Variants in TUT1 observed in about 807,000 individuals in gnomAD.
TUT1 encodes the protein speckle targeted PIP5K1A-regulated poly(A) polymerase.
TUT1 carries 26 observed loss-of-function variants against 48.8 expected under a neutral mutation model. The observed-to-expected ratio is 0.53, with a 90% CI of 0.39 to 0.74. The LOEUF (loss-of-function observed/expected upper bound fraction) is 0.74. Among genes scored for constraint, TUT1 ranks in the 30% least tolerant of loss-of-function variants. TUT1 has a pLI of 0.00. For missense variants in TUT1, 1,065 were observed against 1,114.8 expected (o/e 0.96, Z 0.64); for synonymous variants, 470 against 460.8 (o/e 1.02, Z -0.26).
At chr11:62,577,647 G>T (rs951542823) in intron 5 of TUT1, among the ~76,000 whole-genome samples, 2 of 151,552 alleles carry the variant, frequency 1.3e-5, no homozygotes, top group African/African-American at 4.8e-5. Context: ...GACAGGAAAA[G>T]AGAGAGGAAG....
chr11:62,583,200 C>A (rs184628557), intron 2 of TUT1, among the ~76,000 whole-genome samples: 61 of 151,900 alleles, frequency 4.0e-4, no homozygotes, highest in Middle Eastern at 6.8e-3. Context: ...ACTCATAAAC[C>A]CTGTCTTCAA....
chr11:62,588,909 G>A, intron 2 of TUT1, 122 bp downstream of exon 2: 1 of 860,628 alleles, frequency 1.2e-6, no homozygotes, highest in South Asian at 1.8e-5. Context: ...GGCCAGGCTG[G>A]TCTCAAACTC....
Position 62,590,976 on chromosome 11 carries a change from G to A in TUT1, c.82+428C>T, listed in dbSNP as rs113008229. Among the ~76,000 whole-genome samples, 8 of 151,906 alleles carry A rather than the reference G, an allele frequency of 5.3e-5. 1 individual carries two copies. Among genetic ancestry groups the A allele is most frequent in the African/African-American group, 1.7e-4 (7 of 41,414 alleles). On this transcript the variant is annotated intron_variant, in intron 1 of 8. Coordinates refer to ENST00000476907, the MANE Select transcript of TUT1 (RefSeq NM_022830.3). ...TTCATCCATCCCCTCCTTTGAGTAG[G>A]TCCTCTGTAGGGCTTCTCTGATTTA... is the stretch of plus-strand genomic sequence containing the variant.
At chr11:62,584,440 CTTTT>C (rs35237248) in intron 2 of TUT1, among the ~76,000 whole-genome samples, 1 of 130,086 alleles carries the variant, frequency 7.7e-6, no homozygotes. Flanking sequence ...AAATTGTATA[CTTTT>C]TTTTTTTTTT....
chr11:62,585,266 G>A (rs1331457952), intron 2 of TUT1, among the ~76,000 whole-genome samples: 1 of 152,098 alleles, frequency 6.6e-6, no homozygotes, highest in Non-Finnish European at 1.5e-5. Context: ...GATGATAGGG[G>A]CACATCACCA....
chr11:62,580,105 T>A (rs1194407683), intron 4 of TUT1, among the ~76,000 whole-genome samples: 1 of 152,088 alleles, frequency 6.6e-6, no homozygotes, highest in Non-Finnish European at 1.5e-5. Context: ...TGAGACCCTA[T>A]TTCTAAGTAA....
chr11:62,580,596 CAA>C (rs1196058099), intron 4 of TUT1, among the ~76,000 whole-genome samples: 1 of 143,610 alleles, frequency 7.0e-6, no homozygotes, highest in Admixed American at 6.9e-5. Context: ...GTATCCATGT[CAA>C]TTCTTTTTTT....
chr11:62,586,728 G>A (rs920087328), intron 2 of TUT1, among the ~76,000 whole-genome samples: 1 of 151,792 alleles, frequency 6.6e-6, no homozygotes, highest in East Asian at 2.0e-4. Flanking sequence ...CCAGCCTGGC[G>A]AACATGGTGA....
At chr11:62,586,782 G>A (rs1387835069) in intron 2 of TUT1, among the ~76,000 whole-genome samples, 1 of 151,758 alleles carries the variant, frequency 6.6e-6, no homozygotes, top group Non-Finnish European at 1.5e-5. Context: ...CGGGTGTGGT[G>A]GCACGCGCCT....
In TUT1 at chr11:62,575,977, C is replaced by T. The variant is rs1403253459; in HGVS notation, c.1742G>A (p.Arg581His). 15 of 1,614,052 alleles carry T rather than the reference C, an allele frequency of 9.3e-6. No individual in the cohort carries two copies. Among genetic ancestry groups the T allele is most frequent in the Admixed American group, 1.7e-5 (1 of 60,026 alleles). ...ANYCRSLQYQ[R>H]RSSRGRDWGL... ...CCAGTCCCGACCCCGGGAGGAACGG[C>T]GCTGGTACTGGAGGCTTCGGCAGTA... The change falls in exon 9 of 9, where the codon CGC becomes CAC. Residue 581 changes from arginine to histidine, a missense_variant. Physicochemically the swap from Arg to His is conservative, Grantham distance 29 (BLOSUM62 0). Transcript: ENST00000476907.
In TUT1 at chr11:62,591,280, G is replaced by C. The variant is rs1293146739; in HGVS notation, c.82+124C>G. 4 of 1,397,336 alleles carry C rather than the reference G, an allele frequency of 2.9e-6. No homozygotes were observed. The Admixed American group carries it at 1.2e-4, about 43-fold the overall frequency. 86.6% of individuals were successfully genotyped at this position (1,397,336 alleles called of 1,614,324 possible). ...CCCCTCGGACTTGCAGAGAAAAACG[G>C]AGGTGAGAGACCCTACCAATCAACT... On this transcript the variant is annotated intron_variant, in intron 1 of 8. Coordinates refer to ENST00000476907, the MANE Select transcript of TUT1 (RefSeq NM_022830.3).
At chr11:62,579,824 C>T (rs938987398) in intron 4 of TUT1, among the ~76,000 whole-genome samples, 4 of 151,990 alleles carry the variant, frequency 2.6e-5, no homozygotes, top group African/African-American at 7.3e-5. Context: ...TGCCACCATA[C>T]CCGGCTGATT....
Position 62,589,104 on chromosome 11 carries a change from A to C in TUT1, c.200T>G (p.Val67Gly). The change falls in exon 2 of 9, where the codon GTG becomes GGG. Residue 67 changes from valine (V) to glycine (G), a missense_variant. Coordinates refer to ENST00000476907, the MANE Select transcript of TUT1 (RefSeq NM_022830.3). ...GTACTCAGAGAGCTGAGCAGAATCC[A>C]CATCCCTGGGAAAGCCACTGACAAA... Reference protein sequence around the residue: ...SVFVSGFPRDVDSAQLSEYFL... With the variant: ...SVFVSGFPRDGDSAQLSEYFL... The C allele has an allele frequency of 6.2e-7, 1 of 1,614,230 alleles. No individual in the cohort carries two copies. Among genetic ancestry groups the C allele is most frequent in the Non-Finnish European group, 8.5e-7 (1 of 1,180,038 alleles).
intron 4 of TUT1, among the ~76,000 whole-genome samples, chr11:62,579,962 C>T (rs761553969): frequency 6.6e-6 from 1 of 151,942 alleles, no homozygotes; most frequent in South Asian, 2.1e-4. Flanking sequence ...CCACCGCGCC[C>T]GGCCAAGTCT....
rs375161070 is a variant in TUT1, at chr11:62,576,618, A to C, written c.1474+39T>G. ...GATATATGTTACCTACTGTTGATGA[A>C]CATCATTACTAGTCCTCTACCAGGC... On this transcript the variant is annotated intron_variant, in intron 8 of 8. Coordinates refer to ENST00000476907, the MANE Select transcript of TUT1 (RefSeq NM_022830.3). The C allele has an allele frequency of 2.8e-5, 43 of 1,551,862 alleles. No individual in the cohort carries two copies. The African/African-American group carries it at 5.1e-4, about 19-fold the overall frequency.
Position 62,579,522 on chromosome 11 carries a change from TAGAG to T in TUT1, c.691-496_691-493del, listed in dbSNP as rs527805784. Among the ~76,000 whole-genome samples, 178 of 152,236 alleles carry T rather than the reference TAGAG, an allele frequency of 1.2e-3. 1 individual carries two copies. Among genetic ancestry groups the T allele is most frequent in the African/African-American group, 3.8e-3 (157 of 41,530 alleles). On this transcript the variant is annotated intron_variant, in intron 4 of 8. Transcript: ENST00000476907. The stretch of plus-strand genomic sequence containing the variant: ...TCTCAGATGATTCAGAAAATATAAA[TAGAG>T]AGTGTGTGTGTGTAGAGAAAGATAA...
intron 2 of TUT1, among the ~76,000 whole-genome samples, chr11:62,587,095 A>AT (rs1443887971): frequency 6.7e-6 from 1 of 149,126 alleles, no homozygotes; most frequent in Non-Finnish European, 1.5e-5. Flanking sequence ...TCCCTCTCAA[A>AT]AAAAAAAAAA....
rs1193959999 is a variant in TUT1 at position 62,575,401 on chromosome 11, C to G, written c.2318G>C (p.Arg773Pro). 2 of 1,612,120 alleles carry G rather than the reference C, an allele frequency of 1.2e-6. No homozygotes were observed. The highest frequency in any genetic ancestry group is 1.7e-6 in the Non-Finnish European group (2 of 1,180,024). The change falls in exon 9 of 9, where the codon CGA (arginine) becomes CCA (proline). Residue 773 changes from arginine to proline, a missense_variant. By Grantham distance (103) the Arg-to-Pro change is moderately radical. Coordinates refer to ENST00000476907, the MANE Select transcript of TUT1 (RefSeq NM_022830.3). ...GGCTCGCCGCCGCCCTTGCCACACT[C>G]GGTGCCACAAGGCACAGCGCCAGCT... is the stretch of plus-strand genomic sequence containing the variant. Reference protein sequence around the residue: ...SASWRCALWHRVWQGRRRARR... With the variant: ...SASWRCALWHPVWQGRRRARR...
intron 2 of TUT1, among the ~76,000 whole-genome samples, chr11:62,584,484 C>T (rs1235188969): frequency 6.6e-6 from 1 of 150,410 alleles, no homozygotes; most frequent in East Asian, 2.0e-4. Flanking sequence ...TTCTGTCACC[C>T]AGGCTGGAGT....
Sources: allele counts gnomAD v4.1 joint callset (sites outside exome capture counted in the v4.1 genomes callset), GRCh38; gene constraint gnomAD v4.1.1; transcripts MANE v1.5; gene names NCBI Gene and HGNC (gene_info 2026-07-23, HGNC 2026-07-21).